The following WASHC2A variants were observed in gnomAD, a reference collection of about 807,000 sequenced individuals.
The protein encoded by WASHC2A is WASH complex subunit 2A.
Under a neutral mutation model 140.3 loss-of-function variants are expected in WASHC2A, and 82 were observed. The ratio of observed to expected loss-of-function variants is 0.58; its 90% CI spans 0.49 to 0.70. The LOEUF is 0.70. Among genes scored for constraint, WASHC2A ranks in the 30% least tolerant of loss-of-function variants. The pLI is 0.00. For synonymous variants in WASHC2A, 340 were observed against 560.8 expected (o/e 0.61, Z 5.56); for missense variants, 985 against 1,521.8 (o/e 0.65, Z 5.87).
intron 26 of WASHC2A, among the ~76,000 whole-genome samples, chr10:50,126,670 G>A (rs1404964507): frequency 2.6e-5 from 4 of 152,028 alleles, no homozygotes; most frequent in East Asian, 1.9e-4. Flanking sequence ...CCAGTTCCAC[G>A]TGCAGGTGTC....
intron 19 of WASHC2A, among the ~76,000 whole-genome samples, chr10:50,109,102 G>A (rs1842041444): frequency 6.6e-6 from 1 of 151,920 alleles, no homozygotes; most frequent in Non-Finnish European, 1.5e-5. Flanking sequence ...CCTGTGAAAT[G>A]CAGGTTCTGA....
chr10:50,083,164 A>G (rs1483787733), intron 5 of WASHC2A, among the ~76,000 whole-genome samples: 2 of 109,162 alleles, frequency 1.8e-5, no homozygotes, highest in Non-Finnish European at 3.7e-5. Flanking sequence ...ACACCCAGCT[A>G]ATTTTTAGTA....
chr10:50,074,642 C>T (rs1440781036), intron 3 of WASHC2A, among the ~76,000 whole-genome samples: 1 of 152,206 alleles, frequency 6.6e-6, no homozygotes, highest in African/African-American at 2.4e-5. Flanking sequence ...TACAGTAGGC[C>T]GGGTGCGGTG....
At chr10:50,112,184 C>G (rs1331397022) in intron 20 of WASHC2A, 1 of 980,822 alleles carries the variant, frequency 1.0e-6, no homozygotes, top group East Asian at 1.2e-4. Flanking sequence ...TCCACTACCC[C>G]CACCCCACAC....
chr10:50,079,066 C>G (rs1353901970), intron 4 of WASHC2A, among the ~76,000 whole-genome samples: 2 of 150,230 alleles, frequency 1.3e-5, no homozygotes, highest in African/African-American at 4.9e-5. Flanking sequence ...GATGGACCAG[C>G]CTTCTTCCTG....
In WASHC2A at chr10:50,090,766, A is replaced by G; in HGVS notation, c.733-10A>G. ...ACTAGTAGTTCTAATTTGGTATTTT[A>G]TACTCTTAGCACACCACACAAATGA... On this transcript the variant is annotated splice_polypyrimidine_tract_variant and intron_variant, in intron 8 of 30. Coordinates refer to ENST00000282633, the MANE Select transcript of WASHC2A (RefSeq NM_001005751.3). The G allele has an allele frequency of 6.2e-7, 1 of 1,604,190 alleles. No homozygotes were observed. Among genetic ancestry groups the G allele is most frequent in the South Asian group, 1.1e-5 (1 of 89,484 alleles).
Position 50,085,217 on chromosome 10 carries a change from C to A in WASHC2A, c.623-280C>A, listed in dbSNP as rs1171105060. Among the ~76,000 whole-genome samples the A allele has an allele frequency of 3.9e-5, 4 of 103,208 alleles. 1 individual carries two copies. Among genetic ancestry groups the A allele is most frequent in the African/African-American group, 1.3e-4 (3 of 23,382 alleles). The allele number at this position is 103,208 out of a possible 152,430, so 67.7% of individuals were successfully genotyped here. A position where few individuals can be genotyped will look rare whatever the true frequency, so the allele number is the denominator to read the frequency against. On this transcript the variant is annotated intron_variant, in intron 6 of 30. Transcript: ENST00000282633. Reference sequence around the variant, plus strand: ...CTTCAGTTATCTTTTAATCTGATGCCATTTCTCAGCCTTTCTTTGCTTTTT... The same window carrying A: ...CTTCAGTTATCTTTTAATCTGATGCAATTTCTCAGCCTTTCTTTGCTTTTT...
chr10:50,070,982 A>G (rs2132309939), intron 3 of WASHC2A, among the ~76,000 whole-genome samples: 1 of 97,074 alleles, frequency 1.0e-5, no homozygotes, highest in African/African-American at 3.2e-5. Flanking sequence ...CGGTGAGCCG[A>G]GATCCTGCCA....
At position 50,107,767 on chromosome 10, in the gene WASHC2A, C is replaced by CA. The variant is rs1554889042; in HGVS notation, c.1869+1309dup. ...AGAAACCTTGTCTCTATTAAAAATA[C>CA]AAAAAAATTAGCAGGTTGTGGTGGC... On this transcript the variant is annotated intron_variant, in intron 19 of 30. Coordinates refer to ENST00000282633, the MANE Select transcript of WASHC2A (RefSeq NM_001005751.3). Among the ~76,000 whole-genome samples, 3 of 143,386 alleles carry CA rather than the reference C, an allele frequency of 2.1e-5. No individual in the cohort carries two copies. In the Admixed American group the frequency reaches 2.1e-4, roughly 10 times the overall value. 94.1% of individuals were successfully genotyped at this position (143,386 alleles called of 152,430 possible).
intron 17 of WASHC2A, among the ~76,000 whole-genome samples, chr10:50,100,805 G>T (rs1194553203): frequency 6.6e-6 from 1 of 152,268 alleles, no homozygotes; most frequent in Non-Finnish European, 1.5e-5. Flanking sequence ...TGGGACCCTG[G>T]TTCATAGGTT....
chr10:50,070,316 T>G (rs1168653770), intron 3 of WASHC2A, among the ~76,000 whole-genome samples: 1 of 152,016 alleles, frequency 6.6e-6, no homozygotes. Flanking sequence ...AATTCCAGCA[T>G]ACAAAGGAAG....
intron 19 of WASHC2A, among the ~76,000 whole-genome samples, chr10:50,109,716 A>G (rs1479731239): frequency 6.6e-6 from 1 of 152,194 alleles, no homozygotes; most frequent in Non-Finnish European, 1.5e-5. Context: ...ACTTAGTTTA[A>G]CAAATATAAG....
chr10:50,078,462 A>C (rs1554878750), intron 3 of WASHC2A, among the ~76,000 whole-genome samples: 2 of 151,580 alleles, frequency 1.3e-5, no homozygotes, highest in African/African-American at 4.9e-5. Flanking sequence ...TTGTATTTAA[A>C]AATTTTCTTT....
chr10:50,125,379 C>G lies in WASHC2A; in HGVS notation c.2618C>G (p.Pro873Arg). Residue 873 changes from proline (P) to arginine (R), a missense_variant, in exon 25 of 31, where the codon CCA becomes CGA. Coordinates refer to ENST00000282633, the MANE Select transcript of WASHC2A (RefSeq NM_001005751.3). ...TCTTGTTTATTCTAGCTGTTAGAGC[C>G]AAGTGTTGGGAGCCTGTTTGGGGAT... The part of the protein sequence containing the change: ...AGTKKTKLLE[P>R]SVGSLFGDDE... 2 of 1,605,630 alleles carry G rather than the reference C, an allele frequency of 1.2e-6. No homozygotes were observed. Among genetic ancestry groups the G allele is most frequent in the Non-Finnish European group, 1.7e-6 (2 of 1,175,940 alleles).
At chr10:50,110,017 G>A (rs1397954282) in intron 19 of WASHC2A, 84 bp from the exon 20 acceptor site, 18 of 1,274,536 alleles carry the variant, frequency 1.4e-5, no homozygotes, top group Admixed American at 4.2e-5. Context: ...TGATTCACCC[G>A]CCTCGGCCTC....
chr10:50,113,077 G>A (rs1181417668), intron 20 of WASHC2A, among the ~76,000 whole-genome samples: 1 of 152,182 alleles, frequency 6.6e-6, no homozygotes, highest in Non-Finnish European at 1.5e-5. Flanking sequence ...CACTTTAAAA[G>A]AGTGAATCTG....
chr10:50,095,719 A>G lies in WASHC2A; in HGVS notation c.1361A>G (p.Asp454Gly), dbSNP rs1199817306. ...GPPPTGLFDD[D>G]DGDDDDDFFS... ...CCTCCCACTGGCCTCTTTGATGATGATGATGGTGATGATGATGACGACTTT... is the reference window on the plus strand; with the variant it reads ...CCTCCCACTGGCCTCTTTGATGATGGTGATGGTGATGATGATGACGACTTT... Residue 454 changes from aspartate to glycine, a missense_variant, in exon 15 of 31, where the codon GAT becomes GGT. Coordinates refer to ENST00000282633, the MANE Select transcript of WASHC2A (RefSeq NM_001005751.3). The G allele has an allele frequency of 1.4e-5, 22 of 1,611,406 alleles. No homozygotes were observed. Among genetic ancestry groups the G allele is most frequent in the Admixed American group, 5.0e-5 (3 of 59,930 alleles).
At chr10:50,128,102 A>G (rs1843603491) in intron 28 of WASHC2A, among the ~76,000 whole-genome samples, 1 of 151,092 alleles carries the variant, frequency 6.6e-6, no homozygotes, top group African/African-American at 2.4e-5. Context: ...CTAACCACAG[A>G]GCAGATCATG....
At chr10:50,070,643 T>G (rs1481973094) in intron 3 of WASHC2A, among the ~76,000 whole-genome samples, 1 of 144,896 alleles carries the variant, frequency 6.9e-6, no homozygotes, top group Non-Finnish European at 1.5e-5. Context: ...TTTGGAGAGC[T>G]ATATATAAAA....
Sources: gnomAD v4.1 joint callset for allele counts (sites outside exome capture counted in the v4.1 genomes callset) on GRCh38, gnomAD v4.1.1 for gene constraint, MANE v1.5 for transcripts, NCBI Gene and HGNC (gene_info 2026-07-23, HGNC 2026-07-21) for gene names.